The following COL24A1 variants were observed in gnomAD, a reference collection of about 807,000 sequenced individuals.
The protein encoded by COL24A1 is collagen type XXIV alpha 1 chain, also known as collagen alpha-1(XXIV) chain.
COL24A1 carries 224 observed loss-of-function variants against 253.9 expected under a neutral mutation model. The ratio of observed to expected loss-of-function variants is 0.88; its 90% CI spans 0.79 to 0.99. The LOEUF is 0.99. Ranked by LOEUF, COL24A1 falls within the 50% of genes least tolerant of loss-of-function variation. The pLI, the probability that COL24A1 is intolerant of heterozygous loss-of-function variation, is 0.00. For synonymous variants in COL24A1, 685 were observed against 673.7 expected (o/e 1.02, Z -0.26); for missense variants, 2,131 against 2,068.5 (o/e 1.03, Z -0.59).
At chr1:85,879,213 T>C (rs895581413) in intron 32 of COL24A1, among the ~76,000 whole-genome samples, 9 of 151,160 alleles carry the variant, frequency 6.0e-5, no homozygotes, top group Non-Finnish European at 1.2e-4. Context: ...TATGGCTTTG[T>C]TTTTTACATT....
intron 47 of COL24A1, among the ~76,000 whole-genome samples, chr1:85,788,730 TC>T (rs1558131158): frequency 6.6e-6 from 1 of 152,232 alleles, no homozygotes; most frequent in Non-Finnish European, 1.5e-5. Flanking sequence ...CATGAGTTAA[TC>T]TTTGTATAAG....
chr1:85,895,743 C>A, intron 31 of COL24A1, 115 bp downstream of exon 31: 3 of 809,190 alleles, frequency 3.7e-6, no homozygotes, highest in Non-Finnish European at 6.1e-6. Flanking sequence ...TTGTATACTG[C>A]AAATATATAT....
At chr1:86,017,329 A>G in intron 18 of COL24A1, 125 bp from the exon 19 acceptor site, 1 of 886,024 alleles carries the variant, frequency 1.1e-6, no homozygotes, top group South Asian at 2.0e-5. Flanking sequence ...CAAGGTTGTA[A>G]TGACTTTTTA....
chr1:85,867,031 ATTATT>A (rs1425190888), intron 37 of COL24A1, among the ~76,000 whole-genome samples: 3 of 152,202 alleles, frequency 2.0e-5, no homozygotes, highest in Non-Finnish European at 2.9e-5. Flanking sequence ...GTGTTATAAT[ATTATT>A]TTAATTGCTG....
intron 32 of COL24A1, among the ~76,000 whole-genome samples, chr1:85,880,665 T>A (rs769396992): frequency 5.3e-5 from 8 of 152,292 alleles, no homozygotes; most frequent in Non-Finnish European, 7.4e-5. Context: ...CTATAAGGTT[T>A]TTTAAAAAAT....
intron 3 of COL24A1, among the ~76,000 whole-genome samples, chr1:86,117,542 T>TG (rs1327043613): frequency 6.6e-6 from 1 of 152,140 alleles, no homozygotes; most frequent in Admixed American, 6.5e-5. Context: ...CATTAGATAC[T>TG]GGGGGGAAAA....
At chr1:85,892,127 G>T (rs1488338451) in intron 31 of COL24A1, among the ~76,000 whole-genome samples, 1 of 152,078 alleles carries the variant, frequency 6.6e-6, no homozygotes, top group Non-Finnish European at 1.5e-5. Flanking sequence ...GAGAAGTTAA[G>T]TAATTTGTAC....
chr1:85,784,073 C>T (rs1669411697), intron 50 of COL24A1, 40 bp downstream of exon 50: 1 of 1,496,496 alleles, frequency 6.7e-7, no homozygotes, highest in African/African-American at 1.4e-5. Flanking sequence ...TCTTTTATTT[C>T]TAGATAGCTA....
At chr1:85,783,854 C>T (rs748229552) in intron 50 of COL24A1, among the ~76,000 whole-genome samples, 1 of 151,960 alleles carries the variant, frequency 6.6e-6, no homozygotes, top group Non-Finnish European at 1.5e-5. Context: ...CTCAACATTG[C>T]TGTATGTTTG....
At chr1:85,944,747 C>A (rs1199789120) in intron 24 of COL24A1, among the ~76,000 whole-genome samples, 2 of 152,056 alleles carry the variant, frequency 1.3e-5, no homozygotes, top group African/African-American at 4.8e-5. Context: ...ATCCCTCCCC[C>A]ATTCCCCGAC....
intron 5 of COL24A1, among the ~76,000 whole-genome samples, chr1:86,103,423 T>C (rs1390130507): frequency 6.6e-6 from 1 of 152,178 alleles, no homozygotes; most frequent in Non-Finnish European, 1.5e-5. Flanking sequence ...GTCTTCATGA[T>C]GTTAGCTGGT....
chr1:85,857,752 T>C (rs1445468658), intron 37 of COL24A1, among the ~76,000 whole-genome samples: 1 of 152,168 alleles, frequency 6.6e-6, no homozygotes, highest in Non-Finnish European at 1.5e-5. Flanking sequence ...TATGATTAGA[T>C]TAAGTTTAAG....
At chr1:85,758,711 T>C (rs1167481442) in intron 55 of COL24A1, among the ~76,000 whole-genome samples, 1 of 152,148 alleles carries the variant, frequency 6.6e-6, no homozygotes, top group Non-Finnish European at 1.5e-5. Context: ...CAGTAAGAAA[T>C]ACATTTTTAC....
rs1484555123 is a variant in COL24A1, at chr1:85,927,926, A to G, written c.2563-16493T>C. Reference sequence around the variant, plus strand: ...GAAAGGACATCTACACCAAAAACCCATCTGTACATCACCATCATCAAAGAC... The same window carrying G: ...GAAAGGACATCTACACCAAAAACCCGTCTGTACATCACCATCATCAAAGAC... On this transcript the variant is annotated intron_variant, in intron 24 of 59. Transcript: ENST00000370571. Among the ~76,000 whole-genome samples the G allele has an allele frequency of 2.2e-5, 3 of 136,370 alleles. No homozygotes were observed. The Admixed American group carries it at 2.3e-4, about 10-fold the overall frequency. 89.5% of individuals were successfully genotyped at this position (136,370 alleles called of 152,430 possible). A position where few individuals can be genotyped will look rare whatever the true frequency, so the allele number is the denominator to read the frequency against.
At chr1:85,773,201 A>T (rs1260900200) in intron 53 of COL24A1, among the ~76,000 whole-genome samples, 1 of 152,120 alleles carries the variant, frequency 6.6e-6, no homozygotes, top group Admixed American at 6.6e-5. Flanking sequence ...GTTATTTCTG[A>T]GGCCTCCGTT....
At chr1:85,824,392 G>T (rs1673992316) in intron 43 of COL24A1, among the ~76,000 whole-genome samples, 1 of 152,184 alleles carries the variant, frequency 6.6e-6, no homozygotes, top group Admixed American at 6.5e-5. Flanking sequence ...GTGGTAATTT[G>T]TTATAGCAGC....
At chr1:86,095,923 T>C (rs1441225452) in intron 5 of COL24A1, among the ~76,000 whole-genome samples, 1 of 152,056 alleles carries the variant, frequency 6.6e-6, no homozygotes, top group Non-Finnish European at 1.5e-5. Context: ...GGGCCCTCGG[T>C]CTAGGGAGGG....
intron 5 of COL24A1, among the ~76,000 whole-genome samples, chr1:86,097,489 C>T (rs1009147831): frequency 7.2e-5 from 2 of 27,824 alleles, no homozygotes; most frequent in Non-Finnish European, 1.6e-4. Context: ...TCCTCCTCCT[C>T]CCTCCTCCTC....
At chr1:85,874,519 G>T in intron 35 of COL24A1, 130 bp downstream of exon 35, 1 of 815,078 alleles carries the variant, frequency 1.2e-6, no homozygotes, top group Non-Finnish European at 1.9e-6. Flanking sequence ...AGTATGAAAT[G>T]AAACCAAACA....
Sources: gnomAD v4.1 joint callset for allele counts (sites outside exome capture counted in the v4.1 genomes callset) on GRCh38, gnomAD v4.1.1 for gene constraint, MANE v1.5 for transcripts, NCBI Gene and HGNC (gene_info 2026-07-23, HGNC 2026-07-21) for gene names.